Variants in CSGALNACT2 observed in about 807,000 individuals in gnomAD.
CSGALNACT2 encodes the protein beta 4 GalNAcT-2.
A neutral mutation model predicts 55.3 loss-of-function variants in CSGALNACT2; 35 were observed. The observed-to-expected ratio is 0.63, with a 90% CI of 0.48 to 0.84. The LOEUF (loss-of-function observed/expected upper bound fraction) is 0.84, where lower values mean the gene tolerates loss of function less well. CSGALNACT2 is among the 40% of genes least tolerant of loss of function. The pLI is 0.00. For missense variants in CSGALNACT2, 544 were observed against 657.5 expected (o/e 0.83, Z 1.89); for synonymous variants, 196 against 224.9 (o/e 0.87, Z 1.15).
At chr10:43,163,756 A>G in intron 4 of CSGALNACT2, 110 bp from the exon 5 acceptor site, 1 of 1,396,050 alleles carries the variant, frequency 7.2e-7, no homozygotes, top group Non-Finnish European at 9.3e-7. Flanking sequence ...TGTAGAACCA[A>G]TATAATCAAA....
At chr10:43,169,280 A>G (rs1359915196) in intron 6 of CSGALNACT2, among the ~76,000 whole-genome samples, 6 of 152,208 alleles carry the variant, frequency 3.9e-5, no homozygotes, top group African/African-American at 1.4e-4. Context: ...AGTGAGTAGC[A>G]ATTAACCAAG....
intron 2 of CSGALNACT2, among the ~76,000 whole-genome samples, chr10:43,158,035 A>G (rs1291459978): frequency 2.6e-5 from 4 of 151,728 alleles, no homozygotes; most frequent in African/African-American, 9.7e-5. Flanking sequence ...CTAAAAAAAA[A>G]AAAAAAAAAA....
chr10:43,181,231 G>A (rs1839583518), intron 7 of CSGALNACT2, among the ~76,000 whole-genome samples: 1 of 152,302 alleles, frequency 6.6e-6, no homozygotes, highest in South Asian at 2.1e-4. Flanking sequence ...CTGGGTACTG[G>A]TCCCCACAGA....
chr10:43,150,406 C>G (rs2505506), intron 1 of CSGALNACT2, among the ~76,000 whole-genome samples: 1 of 152,140 alleles, frequency 6.6e-6, no homozygotes, highest in African/African-American at 2.4e-5. Context: ...AAAAGACTTA[C>G]AGTACAGGTA....
chr10:43,158,738 A>G lies in CSGALNACT2; in HGVS notation c.685A>G (p.Lys229Glu), dbSNP rs1446629275. ...AGGTTATTATCGCACTGAGAGAGAT[A>G]AGGGCACACAGTATGAACTCTTTTT... ...VEGYYRTERD[K>E]GTQYELFFKK... is the part of the protein sequence containing the mutation. Residue 229 changes from lysine (K) to glutamate (E), a missense_variant, in exon 3 of 8, where the codon AAG (lysine) becomes GAG (glutamate). Physicochemically the swap from Lys to Glu is moderately conservative, Grantham distance 56 (BLOSUM62 1). This residue lies in a region of CSGALNACT2 where 374 missense variants were observed against 401.3 expected (regional missense o/e 0.93). Coordinates refer to ENST00000374466, the MANE Select transcript of CSGALNACT2 (RefSeq NM_018590.5). 3.1e-6 allele frequency: 5 copies of G among 1,605,518 alleles called. No homozygotes were observed. Among genetic ancestry groups the G allele is most frequent in the Non-Finnish European group, 3.4e-6 (4 of 1,172,470 alleles).
chr10:43,155,861 G>T, intron 2 of CSGALNACT2, 51 bp downstream of exon 2: 2 of 1,417,300 alleles, frequency 1.4e-6, no homozygotes, highest in Non-Finnish European at 2.0e-6. Flanking sequence ...ACAAATGCTA[G>T]TATTGTATGC....
chr10:43,183,027 T>C (rs1051392852), intron 7 of CSGALNACT2, among the ~76,000 whole-genome samples: 1 of 152,210 alleles, frequency 6.6e-6, no homozygotes, highest in African/African-American at 2.4e-5. Context: ...TAACCCCATT[T>C]TGATACTGTC....
chr10:43,155,602 T>C lies in CSGALNACT2; in HGVS notation c.453T>C (p.Phe151=). Residue 151 remains phenylalanine, a synonymous_variant, in exon 2 of 8, where the codon TTT becomes TTC. Coordinates refer to ENST00000374466, the MANE Select transcript of CSGALNACT2 (RefSeq NM_018590.5). ...ATGGGGTCATTCCCTTTGAAAGTTTTACCTTAATGAAAGTATTTCAATTGG... is the reference window on the plus strand; with the variant it reads ...ATGGGGTCATTCCCTTTGAAAGTTTCACCTTAATGAAAGTATTTCAATTGG... ...SEYGVIPFES[F]TLMKVFQLEM... is the part of the protein sequence containing the mutation. 6.2e-7 allele frequency: 1 copy of C among 1,614,234 alleles called. No individual in the cohort carries two copies. Among genetic ancestry groups the C allele is most frequent in the Non-Finnish European group, 8.5e-7 (1 of 1,180,050 alleles).
chr10:43,143,493 ATGTGTG>A (rs3983257), intron 1 of CSGALNACT2, among the ~76,000 whole-genome samples: 3,411 of 141,912 alleles, frequency 0.024, 49 homozygotes, highest in African/African-American at 0.037. Flanking sequence ...CTCTCCAAAA[ATGTGTG>A]TGTGTGTGTG....
chr10:43,178,658 A>G (rs1447896486), intron 7 of CSGALNACT2, among the ~76,000 whole-genome samples: 3 of 151,436 alleles, frequency 2.0e-5, no homozygotes, highest in Admixed American at 2.0e-4. Context: ...TGTAAATACT[A>G]TGTAAATAGT....
chr10:43,155,582 G>T lies in CSGALNACT2; in HGVS notation c.433G>T (p.Val145Phe), dbSNP rs200632295. ...IGAKLPSEYG[V>F]IPFESFTLMK... is the part of the protein sequence containing the mutation. ...GGCCAAACTACCCAGTGAGTATGGG[G>T]TCATTCCCTTTGAAAGTTTTACCTT... is the stretch of plus-strand genomic sequence containing the variant. Residue 145 changes from valine to phenylalanine, a missense_variant, in exon 2 of 8, where the codon GTC (valine) becomes TTC (phenylalanine). Val to Phe is a conservative substitution (Grantham distance 50). Transcript: ENST00000374466. The T allele has an allele frequency of 1.9e-6, 3 of 1,614,184 alleles. No homozygotes were observed. Among genetic ancestry groups the T allele is most frequent in the East Asian group, 2.2e-5 (1 of 44,884 alleles).
chr10:43,180,472 A>G (rs1158613634), intron 7 of CSGALNACT2, among the ~76,000 whole-genome samples: 2 of 152,192 alleles, frequency 1.3e-5, no homozygotes, highest in African/African-American at 4.8e-5. Context: ...CCTTAGATCC[A>G]TCTCACTGCT....
chr10:43,151,599 T>C (rs1838875343), intron 1 of CSGALNACT2, among the ~76,000 whole-genome samples: 2 of 152,208 alleles, frequency 1.3e-5, no homozygotes, highest in South Asian at 4.1e-4. Context: ...CCTTTACTTA[T>C]CAGTGCTCTG....
rs1838542298 is a variant in CSGALNACT2 at position 43,138,511 on chromosome 10, G to A, written c.-310G>A. On this transcript the variant is annotated 5_prime_UTR_variant, in exon 1 of 8. Transcript: ENST00000374466. ...CGGCGGCGGGCCCAAGGCGTGAGGC[G>A]CCGCCCGGGTGTCCCCGCGGCGCAG... The A allele has an allele frequency of 6.6e-6, 1 of 150,576 alleles. No homozygotes were observed. Among genetic ancestry groups the A allele is most frequent in the Non-Finnish European group, 1.5e-5 (1 of 67,482 alleles). 9.3% of individuals were successfully genotyped at this position (150,576 alleles called of 1,614,324 possible).
intron 2 of CSGALNACT2, among the ~76,000 whole-genome samples, chr10:43,156,093 A>C (rs1839002215): frequency 6.6e-6 from 1 of 152,238 alleles, no homozygotes; most frequent in African/African-American, 2.4e-5. Context: ...CTCTTGTTGC[A>C]TGTGTATGAT....
In CSGALNACT2 at chr10:43,155,804, G is replaced by T; in HGVS notation, c.655G>T (p.Val219Leu). Reference protein sequence around the residue: ...EKLIFNENDFVEGYYRTERDK... With the variant: ...EKLIFNENDFLEGYYRTERDK... Reference sequence around the variant, plus strand: ...ACTGATATTTAATGAAAATGACTTCGTAGAAGGTAATGTGAAAAATATGTT... The same window carrying T: ...ACTGATATTTAATGAAAATGACTTCTTAGAAGGTAATGTGAAAAATATGTT... Residue 219 changes from valine (V) to leucine (L), a missense_variant, in exon 2 of 8, where the codon GTA (valine) becomes TTA (leucine). Val to Leu is a conservative substitution (Grantham distance 32). Transcript: ENST00000374466. 1.2e-6 allele frequency: 2 copies of T among 1,605,432 alleles called. No individual in the cohort carries two copies. Among genetic ancestry groups the T allele is most frequent in the Non-Finnish European group, 8.5e-7 (1 of 1,176,034 alleles).
chr10:43,148,630 C>T (rs947532019), intron 1 of CSGALNACT2, among the ~76,000 whole-genome samples: 3 of 151,956 alleles, frequency 2.0e-5, no homozygotes, highest in African/African-American at 7.3e-5. Context: ...CTATTTTATT[C>T]TTTTTGATGC....
At chr10:43,178,385 G>A (rs1349082396) in intron 7 of CSGALNACT2, among the ~76,000 whole-genome samples, 1 of 152,186 alleles carries the variant, frequency 6.6e-6, no homozygotes, top group African/African-American at 2.4e-5. Context: ...CACTTTGGGA[G>A]GCCGAGGCGG....
chr10:43,151,874 G>C (rs917746617), intron 1 of CSGALNACT2, among the ~76,000 whole-genome samples: 2 of 152,240 alleles, frequency 1.3e-5, no homozygotes, highest in Non-Finnish European at 2.9e-5. Context: ...TAAATATCTT[G>C]AAAATCATTG....
Sources: gnomAD v4.1 joint callset for allele counts (sites outside exome capture counted in the v4.1 genomes callset) on GRCh38, gnomAD v4.1.1 for gene constraint, gnomAD v4.1.1 regional missense constraint, MANE v1.5 for transcripts, NCBI Gene and HGNC (gene_info 2026-07-23, HGNC 2026-07-21) for gene names.